Variants in GRIA3 observed in about 807,000 individuals in gnomAD.
The protein encoded by GRIA3 is glutamate receptor 3.
GRIA3 carries 3 observed loss-of-function variants against 63.0 expected under a neutral mutation model. That is an observed-to-expected ratio of 0.05 (90% CI 0.02 to 0.12). The LOEUF (loss-of-function observed/expected upper bound fraction) is 0.12. Ranked by LOEUF, GRIA3 falls within the 10% of genes least tolerant of loss-of-function variation. The pLI, the probability that GRIA3 is intolerant of heterozygous loss-of-function variation, is 1.00. For missense variants in GRIA3, 347 were observed against 700.9 expected (o/e 0.50, Z 5.70); for synonymous variants, 274 against 257.9 (o/e 1.06, Z -0.60).
chrX:123,184,833 G>T, intron 1 of GRIA3, 189 bp downstream of exon 1: 1 of 502,562 alleles, frequency 2.0e-6, no homozygotes, highest in South Asian at 2.6e-5. Flanking sequence ...CGAGGTGGCT[G>T]GTCTGAAGAG....
chrX:123,405,539 G>A (rs1336932622), intron 10 of GRIA3, among the ~76,000 whole-genome samples: 4 of 111,193 alleles, frequency 3.6e-5, no homozygotes, highest in South Asian at 3.8e-4. Flanking sequence ...TCTAGCACCC[G>A]CCTACCTCTC....
intron 2 of GRIA3, among the ~76,000 whole-genome samples, chrX:123,244,709 T>C (rs978729722): frequency 1.2e-4 from 13 of 112,004 alleles, no homozygotes; most frequent in African/African-American, 3.9e-4. Context: ...GTAGTAGGAG[T>C]GGTGCCCATG....
At chrX:123,378,948 A>G (rs950438896) in intron 5 of GRIA3, among the ~76,000 whole-genome samples, 13 of 110,820 alleles carry the variant, frequency 1.2e-4, no homozygotes, top group African/African-American at 4.3e-4. Flanking sequence ...TATGGGGTAT[A>G]AGTGTAATTT....
At chrX:123,438,501 T>G (rs2045656932) in intron 12 of GRIA3, among the ~76,000 whole-genome samples, 1 of 112,171 alleles carries the variant, frequency 8.9e-6, no homozygotes, top group Non-Finnish European at 1.9e-5. Flanking sequence ...CTGGATCATA[T>G]GTCAATTCTA....
chrX:123,203,813 G>A (rs764034026), intron 2 of GRIA3, among the ~76,000 whole-genome samples: 3 of 111,826 alleles, frequency 2.7e-5, no homozygotes, highest in African/African-American at 6.5e-5. Context: ...GAGCTAGCCC[G>A]GGTTAGAATT....
At chrX:123,353,488 G>A (rs148959095) in intron 4 of GRIA3, among the ~76,000 whole-genome samples, 50 of 111,643 alleles carry the variant, frequency 4.5e-4, no homozygotes, top group African/African-American at 1.5e-3. Flanking sequence ...ACTTAGCACC[G>A]TGCCTGCATA....
intron 5 of GRIA3, among the ~76,000 whole-genome samples, chrX:123,362,261 T>C (rs1245270306): frequency 2.7e-5 from 3 of 111,961 alleles, no homozygotes; most frequent in Admixed American, 1.9e-4. Context: ...CTTATGATAA[T>C]TGCCACTGAG....
At chrX:123,484,856 T>C (rs1288090652) in intron 15 of GRIA3, among the ~76,000 whole-genome samples, 2 of 112,795 alleles carry the variant, frequency 1.8e-5, no homozygotes, top group East Asian at 5.5e-4. Flanking sequence ...AATATTTCAT[T>C]CAAATAAATC....
chrX:123,368,173 G>A (rs1369502127), intron 5 of GRIA3, among the ~76,000 whole-genome samples: 3 of 111,356 alleles, frequency 2.7e-5, no homozygotes, highest in Admixed American at 9.5e-5. Context: ...GGGACTAGTC[G>A]GAACTGATTG....
At chrX:123,217,922 A>T (rs1276227446) in intron 2 of GRIA3, among the ~76,000 whole-genome samples, 1 of 112,702 alleles carries the variant, frequency 8.9e-6, no homozygotes, top group African/African-American at 3.2e-5. Flanking sequence ...GGGCCCCAAG[A>T]TAAAAGAGCT....
At chrX:123,467,210 G>T (rs1046612137) in intron 13 of GRIA3, among the ~76,000 whole-genome samples, 6 of 112,047 alleles carry the variant, frequency 5.4e-5, no homozygotes, top group Non-Finnish European at 1.1e-4. Context: ...CCTATGGTTG[G>T]GTCACATTCG....
intron 7 of GRIA3, among the ~76,000 whole-genome samples, 156 bp downstream of exon 7, chrX:123,398,959 A>T (rs1318085041): frequency 9.0e-6 from 1 of 111,414 alleles, no homozygotes; most frequent in Non-Finnish European, 1.9e-5. Context: ...CATTTCTATA[A>T]ATCATCCAAA....
chrX:123,255,829 A>C (rs748086317), intron 3 of GRIA3, among the ~76,000 whole-genome samples: 1 of 110,268 alleles, frequency 9.1e-6, no homozygotes, highest in East Asian at 2.8e-4. Context: ...ACTTCCCATA[A>C]ACTTTTACAC....
chrX:123,327,891 C>T (rs1569420762), intron 4 of GRIA3, among the ~76,000 whole-genome samples: 1 of 110,994 alleles, frequency 9.0e-6, no homozygotes, highest in Non-Finnish European at 1.9e-5. Context: ...AGAATCAGGT[C>T]AGTGATGTTG....
chrX:123,404,617 C>T (rs2045462207), intron 9 of GRIA3, 91 bp from the exon 10 acceptor site: 1 of 636,970 alleles, frequency 1.6e-6, no homozygotes, highest in African/African-American at 2.2e-5. Flanking sequence ...TACCAAACCT[C>T]AATAGTCACA....
At chrX:123,352,491 C>A (rs1262568685) in intron 4 of GRIA3, among the ~76,000 whole-genome samples, 1 of 112,156 alleles carries the variant, frequency 8.9e-6, no homozygotes, top group Non-Finnish European at 1.9e-5. Context: ...CACAAACAAA[C>A]AATTAGTAAA....
At chrX:123,295,591 T>C (rs945537562) in intron 3 of GRIA3, among the ~76,000 whole-genome samples, 3 of 111,059 alleles carry the variant, frequency 2.7e-5, no homozygotes, top group African/African-American at 9.8e-5. Context: ...ATGGTCACCC[T>C]GCAAGAAAGG....
At chrX:123,275,575 G>A (rs1299977339) in intron 3 of GRIA3, among the ~76,000 whole-genome samples, 1 of 112,426 alleles carries the variant, frequency 8.9e-6, no homozygotes, top group South Asian at 3.7e-4. Flanking sequence ...ATCTAGGGCA[G>A]AAGGAGCCTA....
intron 14 of GRIA3, among the ~76,000 whole-genome samples, chrX:123,482,060 C>T (rs751580020): frequency 2.1e-4 from 23 of 112,006 alleles, no homozygotes; most frequent in Non-Finnish European, 3.2e-4. Flanking sequence ...TGACACTCTC[C>T]TTAAACTCTC....
Sources: allele counts gnomAD v4.1 joint callset (sites outside exome capture counted in the v4.1 genomes callset), GRCh38; gene constraint gnomAD v4.1.1; transcripts MANE v1.5; gene names NCBI Gene and HGNC (gene_info 2026-07-23, HGNC 2026-07-21).